CTNNBL1: variants seen among roughly 807,000 people sequenced by gnomAD.
CTNNBL1 encodes the protein catenin beta like 1.
In CTNNBL1, 31 loss-of-function variants were observed where a neutral mutation model predicts 72.7. That is an observed-to-expected ratio of 0.43 (90% confidence interval 0.32 to 0.58). The LOEUF is 0.58. Among genes scored for constraint, CTNNBL1 ranks in the 20% least tolerant of loss-of-function variants. CTNNBL1 has a pLI of 0.08. For synonymous variants in CTNNBL1, 240 were observed against 267.3 expected (o/e 0.90, Z 1.00); for missense variants, 534 against 725.1 (o/e 0.74, Z 3.03).
intron 5 of CTNNBL1, among the ~76,000 whole-genome samples, chr20:37,760,682 A>C (rs1164468433): frequency 6.6e-6 from 1 of 152,186 alleles, no homozygotes; most frequent in African/African-American, 2.4e-5. Context: ...TACAGTACCA[A>C]AGTGATGAAC....
chr20:37,840,163 G>A lies in CTNNBL1; in HGVS notation c.1275G>A (p.Arg425=), dbSNP rs370621073. ...ACCTGAGAGGGCAGCAGCGGACCCGGCTTCTGAATAAATTCACTGAAAATG... is the reference window on the plus strand; with the variant it reads ...ACCTGAGAGGGCAGCAGCGGACCCGACTTCTGAATAAATTCACTGAAAATG... ...LRNLRGQQRT[R]LLNKFTENDS... Residue 425 remains arginine, a synonymous_variant, in exon 12 of 16, where the codon CGG becomes CGA. Coordinates refer to ENST00000361383, the MANE Select transcript of CTNNBL1 (RefSeq NM_030877.5). The A allele has an allele frequency of 1.2e-6, 2 of 1,613,784 alleles. No homozygotes were observed. The highest frequency in any genetic ancestry group is 2.7e-5 in the African/African-American group (2 of 75,032).
chr20:37,705,419 A>G (rs144088376), intron 1 of CTNNBL1, among the ~76,000 whole-genome samples: 9 of 152,328 alleles, frequency 5.9e-5, no homozygotes, highest in African/African-American at 2.2e-4. Flanking sequence ...AATTTTCGTT[A>G]TTTATCTCAT....
chr20:37,702,005 T>G (rs551625905), intron 1 of CTNNBL1, among the ~76,000 whole-genome samples: 17 of 152,210 alleles, frequency 1.1e-4, no homozygotes, highest in Non-Finnish European at 2.2e-4. Context: ...TGTTTTACAG[T>G]GCTAACAGTA....
chr20:37,751,440 A>T (rs2073318992), intron 4 of CTNNBL1: 1 of 152,200 alleles, frequency 6.6e-6, no homozygotes, highest in Non-Finnish European at 1.5e-5. Flanking sequence ...GTGGTCATTA[A>T]CACTGTTCTT....
intron 11 of CTNNBL1, among the ~76,000 whole-genome samples, chr20:37,807,169 A>T (rs1019675171): frequency 1.3e-5 from 2 of 152,124 alleles, no homozygotes; most frequent in African/African-American, 4.8e-5. Context: ...CAAGTTCCTA[A>T]GCTCCCTGGG....
At chr20:37,832,641 G>C (rs1309560026) in intron 11 of CTNNBL1, among the ~76,000 whole-genome samples, 4 of 152,156 alleles carry the variant, frequency 2.6e-5, no homozygotes, top group Non-Finnish European at 5.9e-5. Flanking sequence ...GCAGATCCCA[G>C]GAGTTAGTGT....
chr20:37,815,409 C>T (rs763287579), intron 11 of CTNNBL1, among the ~76,000 whole-genome samples: 91 of 151,710 alleles, frequency 6.0e-4, no homozygotes, highest in Non-Finnish European at 5.2e-4. Flanking sequence ...CCTCCGCCTC[C>T]TGGGTTCAAG....
rs200548374 is a variant in CTNNBL1, at chr20:37,860,009, C to T, written c.1503C>T (p.Ala501=). The T allele has an allele frequency of 2.5e-5, 41 of 1,614,192 alleles. No homozygotes were observed. The highest frequency in any genetic ancestry group is 1.1e-4 in the South Asian group (10 of 91,080). Residue 501 remains alanine (A), a synonymous_variant, in exon 14 of 16, where the codon GCC becomes GCT. Transcript: ENST00000361383. ...TCCAGCACATCTGCTACATCATGGC[C>T]GAGATCTGCAATGCCAATGTCCCCC... ...FVLQHICYIM[A]EICNANVPQI...
chr20:37,838,695 C>T (rs1274566394), intron 11 of CTNNBL1, among the ~76,000 whole-genome samples: 1 of 152,140 alleles, frequency 6.6e-6, no homozygotes, highest in Non-Finnish European at 1.5e-5. Flanking sequence ...CAACACCAAC[C>T]TGGGTAACAT....
At chr20:37,737,535 C>A in intron 3 of CTNNBL1, 51 bp downstream of exon 3, 2 of 1,300,726 alleles carry the variant, frequency 1.5e-6, no homozygotes, top group Non-Finnish European at 2.2e-6. Context: ...GTTTCGTTGG[C>A]TAATTTTGTT....
In CTNNBL1 at chr20:37,845,453, T is replaced by A. The variant is rs75546427; in HGVS notation, c.1392+3034T>A. 8.1e-3 allele frequency among the ~76,000 whole-genome samples: 1,238 copies of A among 152,348 alleles called. 17 individuals carry two copies. Among genetic ancestry groups the A allele is most frequent in the African/African-American group, 0.028 (1,171 of 41,576 alleles). On this transcript the variant is annotated intron_variant, in intron 13 of 15. Transcript: ENST00000361383. ...GCCGTGCTGTTCCCTGACAAACATCTGTCTCCTTGATGCCAAGGCCGTTTT... is the reference window on the plus strand; with the variant it reads ...GCCGTGCTGTTCCCTGACAAACATCAGTCTCCTTGATGCCAAGGCCGTTTT...
rs376352806 is a variant in CTNNBL1, at chr20:37,732,900, C to T, written c.52C>T (p.Pro18Ser). 1.2e-6 allele frequency: 2 copies of T among 1,613,464 alleles called. No homozygotes were observed. The highest frequency in any genetic ancestry group is 1.7e-6 in the Non-Finnish European group (2 of 1,179,916). ...SYQPNRGTKR[P>S]RDDEEEEQKM... ...TCAGCCCAATAGGGGCACAAAACGT[C>T]CCCGGGATGATGAAGAGGAGGAGCA... The change falls in exon 2 of 16, where the codon CCC (proline) becomes TCC (serine). Residue 18 changes from proline to serine, a missense_variant. Transcript: ENST00000361383.
chr20:37,713,909 C>T (rs1289291373), intron 1 of CTNNBL1, among the ~76,000 whole-genome samples: 4 of 152,070 alleles, frequency 2.6e-5, no homozygotes, highest in African/African-American at 9.7e-5. Flanking sequence ...GTGTGTTATC[C>T]CATCTCATCC....
chr20:37,855,587 C>T (rs1346721284), intron 13 of CTNNBL1, among the ~76,000 whole-genome samples: 1 of 152,100 alleles, frequency 6.6e-6, no homozygotes, highest in Admixed American at 6.5e-5. Flanking sequence ...CTCCAGGGGC[C>T]TCTTCTCTTC....
chr20:37,747,418 G>T (rs1029046949), intron 4 of CTNNBL1, among the ~76,000 whole-genome samples: 2 of 143,646 alleles, frequency 1.4e-5, no homozygotes, highest in Admixed American at 7.0e-5. Context: ...TGAGTACACA[G>T]TAAATAGCAT....
At chr20:37,794,381 A>C (rs1352455973) in intron 10 of CTNNBL1, among the ~76,000 whole-genome samples, 1 of 152,090 alleles carries the variant, frequency 6.6e-6, no homozygotes, top group Non-Finnish European at 1.5e-5. Context: ...CAGTGGCACA[A>C]TCTCAGCTCA....
intron 11 of CTNNBL1, among the ~76,000 whole-genome samples, chr20:37,826,379 C>G (rs1453765086): frequency 6.6e-6 from 1 of 152,206 alleles, no homozygotes; most frequent in Non-Finnish European, 1.5e-5. Flanking sequence ...TATCATGTTG[C>G]TTTGCACCCA....
intron 7 of CTNNBL1, among the ~76,000 whole-genome samples, chr20:37,774,397 G>GCTT (rs1231900878): frequency 6.6e-6 from 1 of 152,168 alleles, no homozygotes; most frequent in Non-Finnish European, 1.5e-5. Flanking sequence ...TTGCCAAGCT[G>GCTT]CTTCTCAGCT....
chr20:37,768,116 G>T (rs2073487321), intron 7 of CTNNBL1, 72 bp downstream of exon 7: 1 of 1,261,290 alleles, frequency 7.9e-7, no homozygotes, highest in Non-Finnish European at 1.2e-6. Context: ...TGGGTTATTG[G>T]CATAGACTGT....
Sources: allele counts gnomAD v4.1 joint callset (sites outside exome capture counted in the v4.1 genomes callset), GRCh38; gene constraint gnomAD v4.1.1; transcripts MANE v1.5; gene names NCBI Gene and HGNC (gene_info 2026-07-23, HGNC 2026-07-21).